The following KCNJ6 variants were observed in gnomAD, a reference collection of about 807,000 sequenced individuals.
The protein encoded by KCNJ6 is potassium inwardly rectifying channel subfamily J member 6.
Under a neutral mutation model 34.2 loss-of-function variants are expected in KCNJ6, and 9 were observed. The observed-to-expected ratio is 0.26, with a 90% CI of 0.16 to 0.46. The LOEUF (loss-of-function observed/expected upper bound fraction) is 0.46. Ranked by LOEUF, KCNJ6 falls within the 20% of genes least tolerant of loss-of-function variation. KCNJ6 has a pLI of 1.00. For missense variants in KCNJ6, 236 were observed against 531.3 expected (o/e 0.44, Z 5.46); for synonymous variants, 196 against 207.1 (o/e 0.95, Z 0.46).
At chr21:37,903,750 A>G (rs1601524526) in intron 1 of KCNJ6, among the ~76,000 whole-genome samples, 1 of 152,180 alleles carries the variant, frequency 6.6e-6, no homozygotes, top group African/African-American at 2.4e-5. Context: ...AAACAAAAAA[A>G]AACGAAGAAG....
rs1159059521 is a variant in KCNJ6 at position 37,639,358 on chromosome 21, C to T, written c.947-13874G>A. On this transcript the variant is annotated intron_variant, in intron 3 of 3. Coordinates refer to ENST00000609713, the MANE Select transcript of KCNJ6 (RefSeq NM_002240.5). ...ACCTCTGAGGTAAAACTAAAAATTGCTTGCAATTCTTTTAAATCCTAGAAT... is the reference window on the plus strand; with the variant it reads ...ACCTCTGAGGTAAAACTAAAAATTGTTTGCAATTCTTTTAAATCCTAGAAT... 6.6e-5 allele frequency among the ~76,000 whole-genome samples: 10 copies of T among 152,168 alleles called. 1 individual carries two copies. The highest frequency in any genetic ancestry group is 5.9e-4 in the Admixed American group (9 of 15,278).
chr21:37,715,243 T>C (rs2054784278), intron 2 of KCNJ6, 112 bp from the exon 3 acceptor site: 2 of 943,032 alleles, frequency 2.1e-6, no homozygotes, highest in Non-Finnish European at 3.1e-6. Flanking sequence ...TTTGTGTAGC[T>C]ATAAACAAAG....
intron 2 of KCNJ6, among the ~76,000 whole-genome samples, chr21:37,805,142 G>C (rs74603071): frequency 6.6e-6 from 1 of 152,110 alleles, no homozygotes; most frequent in Non-Finnish European, 1.5e-5. Flanking sequence ...AATAAAGACA[G>C]AGTTTCTTTT....
At chr21:37,735,081 T>C (rs902240283) in intron 2 of KCNJ6, among the ~76,000 whole-genome samples, 3 of 151,986 alleles carry the variant, frequency 2.0e-5, no homozygotes, top group Admixed American at 1.3e-4. Context: ...ACTGTCAGCA[T>C]CCCCTATTGT....
At position 37,675,602 on chromosome 21, in the gene KCNJ6, A is replaced by AT. The variant is rs1227134016; in HGVS notation, c.946+38608_946+38609insA. On this transcript the variant is annotated intron_variant, in intron 3 of 3. Transcript: ENST00000609713. The surrounding 1 kb of genome is among the most constrained non-coding windows in gnomAD (Gnocchi z 4.2). ...CGCCGCATCGCCCTGCCCTGAGCGG[A>AT]ATTCTCCGGCCCCAGGAGAGGCCGT... Among the ~76,000 whole-genome samples the AT allele has an allele frequency of 4.7e-4, 71 of 152,284 alleles. 1 individual carries two copies. The highest frequency in any genetic ancestry group is 1.7e-3 in the African/African-American group (70 of 41,582).
intron 1 of KCNJ6, among the ~76,000 whole-genome samples, chr21:37,853,835 C>CATATATATGTGTATATATATATATATAT (rs1399366665): frequency 2.3e-5 from 1 of 43,236 alleles, no homozygotes; most frequent in Non-Finnish European, 3.7e-5. Context: ...TTAAGAGATA[C>CATATATATGTGTATATATATATATATAT]ATATATATAT....
chr21:37,735,662 G>A (rs1277129676), intron 2 of KCNJ6, among the ~76,000 whole-genome samples: 4 of 152,144 alleles, frequency 2.6e-5, no homozygotes, highest in South Asian at 2.1e-4. Context: ...TGGGAGGAAG[G>A]GGTGTGTAAA....
rs904287227 is a variant in KCNJ6, at chr21:37,707,298, G to C, written c.946+6913C>G. ...CAATGAAGATGCTCGCTGGGACTGG[G>C]TCTCCCGACTGCCCGGCCTCCTGTC... On this transcript the variant is annotated intron_variant, in intron 3 of 3. Coordinates refer to ENST00000609713, the MANE Select transcript of KCNJ6 (RefSeq NM_002240.5). Among the ~76,000 whole-genome samples the C allele has an allele frequency of 3.3e-5, 5 of 152,188 alleles. No homozygotes were observed. The South Asian group carries it at 1.0e-3, about 31-fold the overall frequency.
intron 1 of KCNJ6, among the ~76,000 whole-genome samples, chr21:37,881,470 G>GGAGAGA (rs10550872): frequency 1.1e-4 from 17 of 149,214 alleles, no homozygotes; most frequent in African/African-American, 3.7e-4. Context: ...CTCTCTGCAT[G>GGAGAGA]GAGAGAGAGA....
chr21:37,798,126 G>A (rs924130417), intron 2 of KCNJ6, among the ~76,000 whole-genome samples: 9 of 152,200 alleles, frequency 5.9e-5, no homozygotes, highest in African/African-American at 1.9e-4. Flanking sequence ...CCCAGAAAGT[G>A]CATTTATTAC....
At chr21:37,894,354 A>G (rs947289239) in intron 1 of KCNJ6, among the ~76,000 whole-genome samples, 1 of 152,206 alleles carries the variant, frequency 6.6e-6, no homozygotes, top group African/African-American at 2.4e-5. Context: ...TTTGAGAAAC[A>G]CTAACTTACA....
At chr21:37,860,728 C>G (rs750082403) in intron 1 of KCNJ6, among the ~76,000 whole-genome samples, 11 of 152,132 alleles carry the variant, frequency 7.2e-5, no homozygotes, top group Non-Finnish European at 1.5e-4. Context: ...GAGTGGCTCT[C>G]TATGTCATAT....
rs1486729039 is a variant in KCNJ6, at chr21:37,617,040, C to T, written c.*8119G>A. 1.2e-4 allele frequency: 2 copies of T among 16,952 alleles called. No individual in the cohort carries two copies. The highest frequency in any genetic ancestry group is 3.5e-3 in the East Asian group (2 of 564). The allele number at this position is 16,952 out of a possible 1,614,324, so 1.1% of individuals were successfully genotyped here. A position where few individuals can be genotyped will look rare whatever the true frequency, so the allele number is the denominator to read the frequency against. On this transcript the variant is annotated 3_prime_UTR_variant, in exon 4 of 4. Coordinates refer to ENST00000609713, the MANE Select transcript of KCNJ6 (RefSeq NM_002240.5). ...TCTTTCTTTCTTTCTTTCTTTCTTT[C>T]TTTCTTTCTTTCTTTTCTTTTCTTT...
intron 2 of KCNJ6, among the ~76,000 whole-genome samples, chr21:37,839,771 G>A (rs2055469720): frequency 6.6e-6 from 1 of 152,048 alleles, no homozygotes; most frequent in African/African-American, 2.4e-5. Context: ...TTTGAAGAAG[G>A]CTTTATTCTA....
intron 2 of KCNJ6, among the ~76,000 whole-genome samples, chr21:37,732,948 G>A (rs566257691): frequency 6.2e-4 from 94 of 152,282 alleles, no homozygotes; most frequent in African/African-American, 2.2e-3. Context: ...AAAAGGGGGG[G>A]CTGGCAAGCA....
chr21:37,649,891 C>T (rs929778637), intron 3 of KCNJ6, among the ~76,000 whole-genome samples: 2 of 151,176 alleles, frequency 1.3e-5, no homozygotes, highest in East Asian at 1.9e-4. Flanking sequence ...GTAGCTGGGA[C>T]TACAGACGCC....
At chr21:37,883,567 G>A (rs577004193) in intron 1 of KCNJ6, among the ~76,000 whole-genome samples, 131 of 152,264 alleles carry the variant, frequency 8.6e-4, no homozygotes, top group African/African-American at 2.4e-3. Context: ...GCCAGGCGGC[G>A]GGCACCGTCT....
chr21:37,767,633 A>C (rs2055097899), intron 2 of KCNJ6, among the ~76,000 whole-genome samples: 1 of 152,248 alleles, frequency 6.6e-6, no homozygotes, highest in Admixed American at 6.5e-5. Flanking sequence ...ATTCTGATCT[A>C]GATCTAAGAA....
chr21:37,702,119 G>C (rs1341159758), intron 3 of KCNJ6, among the ~76,000 whole-genome samples: 1 of 150,730 alleles, frequency 6.6e-6, no homozygotes, highest in Non-Finnish European at 1.5e-5. Flanking sequence ...TGTAATCCCA[G>C]CTACTTGGGA....
Sources: allele counts gnomAD v4.1 joint callset (sites outside exome capture counted in the v4.1 genomes callset), GRCh38; gene constraint gnomAD v4.1.1; non-coding constraint Gnocchi (gnomAD v3.1); transcripts MANE v1.5; gene names NCBI Gene and HGNC (gene_info 2026-07-23, HGNC 2026-07-21).